SPATA13: variants seen among roughly 807,000 people sequenced by gnomAD.
The protein encoded by SPATA13 is spermatogenesis-associated protein 13.
SPATA13 carries 50 observed loss-of-function variants against 104.0 expected under a neutral mutation model. The observed-to-expected ratio is 0.48, with a 90% CI of 0.38 to 0.61. SPATA13 has a LOEUF of 0.61. SPATA13 is among the 20% of genes least tolerant of loss of function. The pLI is 0.00. For missense variants in SPATA13, 1,524 were observed against 1,690.6 expected (o/e 0.90, Z 1.73); for synonymous variants, 606 against 667.5 (o/e 0.91, Z 1.42).
At chr13:24,013,753 C>T (rs1283787844) in intron 2 of SPATA13, among the ~76,000 whole-genome samples, 4 of 147,880 alleles carry the variant, frequency 2.7e-5, no homozygotes, top group African/African-American at 1.0e-4. Flanking sequence ...CAACAGTCTG[C>T]AGTGTTAGGA....
At chr13:24,116,116 C>T (rs1488658170) in intron 3 of SPATA13, among the ~76,000 whole-genome samples, 1 of 152,194 alleles carries the variant, frequency 6.6e-6, no homozygotes, top group African/African-American at 2.4e-5. Context: ...GACAGAACAC[C>T]ATGAACTGAG....
chr13:24,087,235 C>T (rs1358662841), intron 3 of SPATA13, among the ~76,000 whole-genome samples: 1 of 152,110 alleles, frequency 6.6e-6, no homozygotes, highest in East Asian at 1.9e-4. Context: ...GGTGAGGCCC[C>T]AAGACAAGGG....
chr13:24,279,553 G>C (rs895656232), intron 4 of SPATA13, among the ~76,000 whole-genome samples: 2 of 152,196 alleles, frequency 1.3e-5, no homozygotes, highest in African/African-American at 4.8e-5. Flanking sequence ...GGGGACCCAG[G>C]CTTGAGTGGT....
chr13:24,055,656 A>G (rs747149340), intron 3 of SPATA13, among the ~76,000 whole-genome samples: 1 of 152,250 alleles, frequency 6.6e-6, no homozygotes, highest in Non-Finnish European at 1.5e-5. Context: ...ACCAGCTCTC[A>G]GGTGCTGTGG....
chr13:23,987,767 TC>T (rs1566063154), intron 2 of SPATA13, among the ~76,000 whole-genome samples: 2 of 152,072 alleles, frequency 1.3e-5, no homozygotes, highest in Admixed American at 6.6e-5. Context: ...GAATTCCCAC[TC>T]CCCTCTCCAA....
intron 2 of SPATA13, among the ~76,000 whole-genome samples, chr13:24,226,996 C>G (rs1871981786): frequency 6.6e-6 from 1 of 152,180 alleles, no homozygotes; most frequent in Non-Finnish European, 1.5e-5. Flanking sequence ...GAACCGTCTG[C>G]TCATTTGCAT....
In SPATA13 at chr13:24,098,898, G is replaced by C. The variant is rs139567754; in HGVS notation, c.-112+81197G>C. ...GCTGCGATCGCACCACTGCACTCCA[G>C]CCTGGCAACAGAGCGAGACTCCATC... On this transcript the variant is annotated intron_variant, in intron 3 of 14. Coordinates refer to the SPATA13 transcript ENST00000424834. Among the ~76,000 whole-genome samples, 1,312 of 146,066 alleles carry C rather than the reference G, an allele frequency of 9.0e-3. 29 individuals carry two copies. The highest frequency in any genetic ancestry group is 0.032 in the African/African-American group (1,223 of 38,600).
rs1877804687 is a variant in SPATA13, at chr13:24,038,652, C to T, written c.-112+20951C>T. ...ATGACTCAGCTCTGCCATTGCTGCG[C>T]GAATGCAGCCACAAACAGGAAAGTG... is the stretch of plus-strand genomic sequence containing the variant. On this transcript the variant is annotated intron_variant, in intron 3 of 14. Coordinates refer to the SPATA13 transcript ENST00000424834. Among the ~76,000 whole-genome samples the T allele has an allele frequency of 2.0e-5, 3 of 152,136 alleles. No homozygotes were observed. In the South Asian group the frequency reaches 6.2e-4, roughly 32 times the overall value.
At chr13:24,137,271 A>G (rs1881604248) in intron 3 of SPATA13, among the ~76,000 whole-genome samples, 1 of 152,194 alleles carries the variant, frequency 6.6e-6, no homozygotes, top group South Asian at 2.1e-4. Flanking sequence ...TGAAAGAAGA[A>G]GACATGGGCT....
chr13:24,093,642 G>C (rs1879977452), intron 3 of SPATA13, among the ~76,000 whole-genome samples: 1 of 152,154 alleles, frequency 6.6e-6, no homozygotes, highest in Non-Finnish European at 1.5e-5. Context: ...TCACATAAAG[G>C]AAATAGAAGC....
intron 3 of SPATA13, among the ~76,000 whole-genome samples, chr13:24,109,332 C>T (rs549809899): frequency 3.9e-5 from 6 of 152,278 alleles, no homozygotes; most frequent in Admixed American, 6.5e-5. Context: ...TGGATATGTG[C>T]CACATTTTCT....
At chr13:24,226,591 G>A (rs1034181949) in intron 2 of SPATA13, among the ~76,000 whole-genome samples, 9 of 152,092 alleles carry the variant, frequency 5.9e-5, no homozygotes, top group African/African-American at 2.2e-4. Flanking sequence ...TGTATATATT[G>A]CAGATTATTC....
intron 1 of SPATA13, among the ~76,000 whole-genome samples, chr13:24,206,478 T>C (rs140119066): frequency 9.5e-4 from 144 of 152,328 alleles, no homozygotes; most frequent in African/African-American, 3.3e-3. Flanking sequence ...TATAAATTAG[T>C]TCAGCCCTTG....
intron 3 of SPATA13, among the ~76,000 whole-genome samples, chr13:24,074,701 G>T (rs1328671435): frequency 6.6e-6 from 1 of 152,176 alleles, no homozygotes; most frequent in Non-Finnish European, 1.5e-5. Flanking sequence ...GGTGGCCATT[G>T]AAAGAAAAAC....
intron 9 of SPATA13, among the ~76,000 whole-genome samples, chr13:24,293,841 T>C (rs1037844733): frequency 2.0e-5 from 3 of 152,164 alleles, no homozygotes; most frequent in Non-Finnish European, 2.9e-5. Flanking sequence ...GGATGAATTG[T>C]GTTTGGTAAA....
In SPATA13 at chr13:24,300,385, T is replaced by C; in HGVS notation, c.3584-16T>C. ...CACGTGTTCTGAATATATATCACAT[T>C]TATTTCTAAATGCAGGAATGGAAAT... is the stretch of plus-strand genomic sequence containing the variant. On this transcript the variant is annotated splice_polypyrimidine_tract_variant and intron_variant, in intron 11 of 12. Coordinates refer to ENST00000382108, the MANE Select transcript of SPATA13 (RefSeq NM_001166271.3). 6.2e-7 allele frequency: 1 copy of C among 1,609,508 alleles called. No homozygotes were observed. The highest frequency in any genetic ancestry group is 1.1e-5 in the South Asian group (1 of 90,822).
intron 3 of SPATA13, among the ~76,000 whole-genome samples, chr13:24,047,415 A>C (rs1277350864): frequency 2.0e-5 from 3 of 152,172 alleles, no homozygotes; most frequent in African/African-American, 7.2e-5. Flanking sequence ...CCCTGCATTC[A>C]TTTTACAAAG....
chr13:24,146,540 A>G (rs1021159611), intron 3 of SPATA13, among the ~76,000 whole-genome samples: 1 of 152,240 alleles, frequency 6.6e-6, no homozygotes, highest in Admixed American at 6.5e-5. Context: ...GATAAGAAAT[A>G]ATACATAAAC....
In SPATA13 at chr13:24,284,321, G is replaced by C. The variant is rs1430676349; in HGVS notation, c.2301+50G>C. The C allele has an allele frequency of 1.9e-6, 3 of 1,574,942 alleles. No homozygotes were observed. In the Admixed American group the frequency reaches 5.3e-5, roughly 28 times the overall value. ...GTGGATACGGGATACCTGATTTTCA[G>C]GGTCCACAACCACTTCTGACTTTGT... is the stretch of plus-strand genomic sequence containing the variant. On this transcript the variant is annotated intron_variant, in intron 5 of 12. Coordinates refer to ENST00000382108, the MANE Select transcript of SPATA13 (RefSeq NM_001166271.3).
Sources: allele counts gnomAD v4.1 joint callset (sites outside exome capture counted in the v4.1 genomes callset), GRCh38; gene constraint gnomAD v4.1.1; transcripts MANE v1.5; gene names NCBI Gene and HGNC (gene_info 2026-07-23, HGNC 2026-07-21).